RPH3AL: variants seen among roughly 807,000 people sequenced by gnomAD.
The protein encoded by RPH3AL is rabphilin 3A like (without C2 domains), also known as rab effector Noc2.
Under a neutral mutation model 43.1 loss-of-function variants are expected in RPH3AL, and 38 were observed. That is an observed-to-expected ratio of 0.88 (90% CI 0.68 to 1.15). RPH3AL has a LOEUF of 1.15. Ranked by LOEUF, RPH3AL falls within the 50% of genes most tolerant of loss-of-function variation. The probability of loss-of-function intolerance (pLI) is 0.00; values close to 1 mark genes in which losing one functional copy is unlikely to be tolerated. For missense variants in RPH3AL, 462 were observed against 423.2 expected (o/e 1.09, Z -0.81); for synonymous variants, 189 against 176.3 (o/e 1.07, Z -0.57).
At chr17:276,805 C>A (rs987124772) in intron 6 of RPH3AL, among the ~76,000 whole-genome samples, 2 of 152,158 alleles carry the variant, frequency 1.3e-5, no homozygotes, top group African/African-American at 4.8e-5. Flanking sequence ...GTTATATTTT[C>A]CATTTCTCCC....
At chr17:271,492 A>G (rs1486387819) in intron 6 of RPH3AL, among the ~76,000 whole-genome samples, 3 of 152,190 alleles carry the variant, frequency 2.0e-5, no homozygotes, top group Non-Finnish European at 2.9e-5. Flanking sequence ...GGTCCTTCAC[A>G]TCCTTTGTAA....
rs533699501 is a variant in RPH3AL, at chr17:243,218, C to T, written c.613+3893G>A. The stretch of plus-strand genomic sequence containing the variant: ...ATTACCTTCCTCTATTGACTACCTT[C>T]CTCTATTGACTACCTTCCTCTATTG... On this transcript the variant is annotated intron_variant, in intron 7 of 9. Coordinates refer to ENST00000331302, the MANE Select transcript of RPH3AL (RefSeq NM_006987.4). Among the ~76,000 whole-genome samples, 100 of 145,218 alleles carry T rather than the reference C, an allele frequency of 6.9e-4. 7 individuals are homozygous for T. Among genetic ancestry groups the T allele is most frequent in the Middle Eastern group, 4.1e-3 (1 of 246 alleles).
At chr17:296,540 G>C (rs941223849) in intron 5 of RPH3AL, among the ~76,000 whole-genome samples, 1 of 152,174 alleles carries the variant, frequency 6.6e-6, no homozygotes, top group African/African-American at 2.4e-5. Context: ...TCCTGGACCA[G>C]CTCCACCTTG....
chr17:213,872 G>T lies in RPH3AL; in HGVS notation c.928C>A (p.Pro310Thr), dbSNP rs1260975079. The change falls in exon 10 of 10, where the codon CCC becomes ACC. Residue 310 changes from proline (P) to threonine (T), a missense_variant. Pro to Thr is a conservative substitution (Grantham distance 38). Coordinates refer to ENST00000331302, the MANE Select transcript of RPH3AL (RefSeq NM_006987.4). Reference protein sequence around the residue: ...APAADAAPAGPSSCLG With the variant: ...APAADAAPAGTSSCLG ...ACACCTCAGCCCAGGCAGCTGGAGGGGCCTGCTGGAGCTGCGTCAGCAGCG... is the reference window on the plus strand; with the variant it reads ...ACACCTCAGCCCAGGCAGCTGGAGGTGCCTGCTGGAGCTGCGTCAGCAGCG... The T allele has an allele frequency of 6.2e-7, 1 of 1,613,626 alleles. No individual in the cohort carries two copies. The highest frequency in any genetic ancestry group is 8.5e-7 in the Non-Finnish European group (1 of 1,179,894).
chr17:294,423 C>G (rs2043120864), intron 5 of RPH3AL, among the ~76,000 whole-genome samples: 1 of 152,262 alleles, frequency 6.6e-6, no homozygotes, highest in African/African-American at 2.4e-5. Context: ...CACAGCACTG[C>G]AGCCTGGGTG....
Position 262,497 on chromosome 17 carries a change from A to G in RPH3AL, c.439-15212T>C, listed in dbSNP as rs560671570. On this transcript the variant is annotated intron_variant, in intron 6 of 9. Transcript: ENST00000331302. ...CCAAAGTGCTGGGATTACAGGCGTG[A>G]GCCACCGCACCCGGCCAACAAAATA... Among the ~76,000 whole-genome samples the G allele has an allele frequency of 3.3e-5, 5 of 150,108 alleles. No individual in the cohort carries two copies. In the East Asian group the frequency reaches 6.3e-4, roughly 19 times the overall value.
intron 4 of RPH3AL, among the ~76,000 whole-genome samples, chr17:320,694 T>A (rs1307157378): frequency 6.6e-6 from 1 of 152,198 alleles, no homozygotes; most frequent in Non-Finnish European, 1.5e-5. Context: ...GAGGCCAGAA[T>A]GAAATCAATT....
intron 6 of RPH3AL, among the ~76,000 whole-genome samples, chr17:252,075 G>C (rs932843494): frequency 6.6e-6 from 1 of 151,408 alleles, no homozygotes; most frequent in Non-Finnish European, 1.5e-5. Flanking sequence ...AGGCTCAGGT[G>C]ATCCTCCCAC....
intron 7 of RPH3AL, among the ~76,000 whole-genome samples, chr17:233,791 G>T: frequency 6.6e-6 from 1 of 152,138 alleles, no homozygotes; most frequent in African/African-American, 2.4e-5. Flanking sequence ...AACAGGGCCG[G>T]GTGGGGACTG....
Position 260,582 on chromosome 17 carries a change from C to T in RPH3AL, c.439-13297G>A, listed in dbSNP as rs79523401. On this transcript the variant is annotated intron_variant, in intron 6 of 9. Transcript: ENST00000331302. ...AGACTGAATCAGTCTTGGAGAACCACGGGAAAAGACCTGTGACTGAGCGGT... is the reference window on the plus strand; with the variant it reads ...AGACTGAATCAGTCTTGGAGAACCATGGGAAAAGACCTGTGACTGAGCGGT... 2.2e-4 allele frequency among the ~76,000 whole-genome samples: 34 copies of T among 152,308 alleles called. No homozygotes were observed. The East Asian group carries it at 4.4e-3, about 20-fold the overall frequency.
At chr17:240,409 T>G (rs2041501642) in intron 7 of RPH3AL, among the ~76,000 whole-genome samples, 1 of 152,200 alleles carries the variant, frequency 6.6e-6, no homozygotes, top group African/African-American at 2.4e-5. Context: ...TCAGACCATT[T>G]GCATCAGCTC....
intron 6 of RPH3AL, among the ~76,000 whole-genome samples, chr17:257,746 T>G (rs879951618): frequency 3.5e-5 from 2 of 56,546 alleles, no homozygotes; most frequent in South Asian, 7.8e-4. Context: ...TGTCTGTCCT[T>G]TTCCGTCCCT....
At chr17:252,409 T>C (rs1344856249) in intron 6 of RPH3AL, among the ~76,000 whole-genome samples, 1 of 152,214 alleles carries the variant, frequency 6.6e-6, no homozygotes, top group Non-Finnish European at 1.5e-5. Context: ...GTGTGAATTT[T>C]CTTACACCAT....
chr17:217,281 G>A (rs74475336), intron 8 of RPH3AL, among the ~76,000 whole-genome samples: 33 of 110,746 alleles, frequency 3.0e-4, no homozygotes, highest in Non-Finnish European at 4.1e-4. Context: ...AATTGGCCTC[G>A]CTGAAATCAG....
intron 5 of RPH3AL, among the ~76,000 whole-genome samples, chr17:291,213 G>C (rs1250871857): frequency 6.6e-6 from 1 of 152,164 alleles, no homozygotes; most frequent in Non-Finnish European, 1.5e-5. Context: ...TGTCCTCAAA[G>C]AGTGTCCCAT....
intron 5 of RPH3AL, among the ~76,000 whole-genome samples, chr17:312,069 G>A (rs542474359): frequency 2.0e-4 from 31 of 152,270 alleles, no homozygotes; most frequent in African/African-American, 7.0e-4. Context: ...TTTGGGAAGC[G>A]GAGGTGGGAG....
At chr17:321,556 AGAGATGGCCCAGGTGGCAAC>A in intron 3 of RPH3AL, 141 bp from the exon 4 acceptor site, 1 of 785,538 alleles carries the variant, frequency 1.3e-6, no homozygotes, top group Non-Finnish European at 1.8e-6. Context: ...CGCGGGCAGC[AGAGATGGCCCAGGTGGCAAC>A]AGAGATGGCC....
chr17:233,406 G>A (rs1013121969), intron 7 of RPH3AL, among the ~76,000 whole-genome samples: 13 of 152,146 alleles, frequency 8.5e-5, no homozygotes, highest in African/African-American at 3.1e-4. Flanking sequence ...AAGACTGTCC[G>A]GCCCAGGAGT....
At chr17:305,980 T>A (rs1351915181) in intron 5 of RPH3AL, among the ~76,000 whole-genome samples, 1 of 149,292 alleles carries the variant, frequency 6.7e-6, no homozygotes, top group African/African-American at 2.5e-5. Context: ...AGCCTCAGCC[T>A]CCCAAGTAGT....
Sources: allele counts gnomAD v4.1 joint callset (sites outside exome capture counted in the v4.1 genomes callset), GRCh38; gene constraint gnomAD v4.1.1; transcripts MANE v1.5; gene names NCBI Gene and HGNC (gene_info 2026-07-23, HGNC 2026-07-21).